The following PCDH15 variants were observed in gnomAD, a reference collection of about 807,000 sequenced individuals.
PCDH15 encodes protocadherin related 15, also known as protocadherin-15.
Under a neutral mutation model 178.5 loss-of-function variants are expected in PCDH15, and 129 were observed. That is an observed-to-expected ratio of 0.72 (90% CI 0.63 to 0.84). The LOEUF (loss-of-function observed/expected upper bound fraction) is 0.84, where lower values mean the gene tolerates loss of function less well. Among genes scored for constraint, PCDH15 ranks in the 40% least tolerant of loss-of-function variants. PCDH15 has a pLI of 0.00. For missense variants in PCDH15, 2,230 were observed against 2,099.9 expected (o/e 1.06, Z -1.21); for synonymous variants, 800 against 732.0 (o/e 1.09, Z -1.50).
chr10:54,718,289 T>G (rs1286089875), intron 1 of PCDH15, among the ~76,000 whole-genome samples: 1 of 151,862 alleles, frequency 6.6e-6, no homozygotes, highest in African/African-American at 2.4e-5. Context: ...GAAAATGAGC[T>G]GACACAAGTC....
At chr10:54,451,800 T>C (rs995885035) in intron 3 of PCDH15, among the ~76,000 whole-genome samples, 3 of 151,920 alleles carry the variant, frequency 2.0e-5, no homozygotes, top group Non-Finnish European at 4.4e-5. Context: ...AGAATATATA[T>C]ACCCCATCAT....
At chr10:54,769,957 T>C (rs114854554) in intron 1 of PCDH15, among the ~76,000 whole-genome samples, 3,003 of 152,236 alleles carry the variant, frequency 0.02, 97 homozygotes, top group African/African-American at 0.067. Context: ...AGTATTGTAG[T>C]CTAAACACAT....
At chr10:54,042,052 T>C (rs2093559289) in intron 18 of PCDH15, among the ~76,000 whole-genome samples, 1 of 152,072 alleles carries the variant, frequency 6.6e-6, no homozygotes, top group Non-Finnish European at 1.5e-5. Flanking sequence ...ATGACTTAGA[T>C]TCAGGGATGA....
At chr10:54,977,719 A>T (rs1047020440) in intron 2 of PCDH15, among the ~76,000 whole-genome samples, 5 of 152,054 alleles carry the variant, frequency 3.3e-5, no homozygotes, top group Admixed American at 3.3e-4. Flanking sequence ...TACTCTGTGG[A>T]CTTCCCTGAA....
At chr10:54,013,847 T>A (rs1488176653) in intron 20 of PCDH15, among the ~76,000 whole-genome samples, 2 of 151,700 alleles carry the variant, frequency 1.3e-5, no homozygotes, top group African/African-American at 4.8e-5. Flanking sequence ...CTACAGGAAC[T>A]AGAGAAACAA....
upstream of PCDH15, among the ~76,000 whole-genome samples, chr10:54,804,202 G>A (rs965499468): frequency 2.0e-5 from 3 of 152,106 alleles, no homozygotes; most frequent in Non-Finnish European, 4.4e-5. Flanking sequence ...ACCACGCCCA[G>A]CTAATTTTTT....
intron 25 of PCDH15, among the ~76,000 whole-genome samples, chr10:53,910,010 A>T (rs1254925599): frequency 6.6e-6 from 1 of 152,122 alleles, no homozygotes; most frequent in Non-Finnish European, 1.5e-5. Flanking sequence ...GGGGAAGCCC[A>T]AACTGGGAGG....
At chr10:54,714,458 C>T (rs942240390) in intron 1 of PCDH15, among the ~76,000 whole-genome samples, 9 of 152,106 alleles carry the variant, frequency 5.9e-5, no homozygotes, top group African/African-American at 2.2e-4. Context: ...CACTCTTTAT[C>T]CTCATTAGGA....
chr10:54,016,677 C>T (rs182239491), intron 20 of PCDH15, among the ~76,000 whole-genome samples: 117 of 152,166 alleles, frequency 7.7e-4, no homozygotes, highest in African/African-American at 2.7e-3. Context: ...TGAAGGTAAA[C>T]GTTGAGTACA....
intron 2 of PCDH15, among the ~76,000 whole-genome samples, chr10:54,546,928 T>A (rs1403231045): frequency 1.3e-5 from 2 of 152,184 alleles, no homozygotes; most frequent in Non-Finnish European, 2.9e-5. Context: ...GACTTCATCA[T>A]ATTCATTTGG....
chr10:54,190,248 G>C (rs2048870148), intron 11 of PCDH15, among the ~76,000 whole-genome samples: 4 of 152,106 alleles, frequency 2.6e-5, no homozygotes, highest in African/African-American at 9.7e-5. Context: ...AGCAACTCTT[G>C]AGAGCCAAGC....
intron 1 of PCDH15, among the ~76,000 whole-genome samples, chr10:54,784,603 C>T (rs1388578987): frequency 6.6e-6 from 1 of 151,706 alleles, no homozygotes; most frequent in African/African-American, 2.4e-5. Flanking sequence ...AAAATAAATG[C>T]TTAAGGGAGT....
chr10:54,284,236 T>C (rs2058892807), intron 8 of PCDH15, among the ~76,000 whole-genome samples: 1 of 152,226 alleles, frequency 6.6e-6, no homozygotes, highest in Admixed American at 6.5e-5. Context: ...TGTAGGTATG[T>C]ATCTACGCAT....
chr10:55,385,645 A>T (rs1416521416), intron 2 of PCDH15, among the ~76,000 whole-genome samples: 1 of 147,478 alleles, frequency 6.8e-6, no homozygotes, highest in Non-Finnish European at 1.5e-5. Flanking sequence ...CTTGCAACAG[A>T]TTCCCTCTGT....
chr10:54,763,036 T>C (rs1321616278), intron 1 of PCDH15, among the ~76,000 whole-genome samples: 1 of 152,188 alleles, frequency 6.6e-6, no homozygotes, highest in Non-Finnish European at 1.5e-5. Flanking sequence ...CATGATTAGA[T>C]ATTCAGCTAA....
chr10:54,766,224 T>C (rs1042667378), intron 1 of PCDH15, among the ~76,000 whole-genome samples: 1 of 152,068 alleles, frequency 6.6e-6, no homozygotes, highest in African/African-American at 2.4e-5. Flanking sequence ...AGAGAAATAG[T>C]GTAGCACAAA....
At chr10:54,104,858 A>T (rs1376088298) in intron 15 of PCDH15, among the ~76,000 whole-genome samples, 2 of 149,878 alleles carry the variant, frequency 1.3e-5, no homozygotes, top group Non-Finnish European at 3.0e-5. Context: ...AAAAAAAAAA[A>T]AAAAAAAAAA....
chr10:54,496,125 C>T (rs928137417), intron 3 of PCDH15, among the ~76,000 whole-genome samples: 6 of 152,130 alleles, frequency 3.9e-5, no homozygotes, highest in African/African-American at 1.4e-4. Context: ...AAAACGGTGA[C>T]TATAGTTATG....
intron 2 of PCDH15, among the ~76,000 whole-genome samples, chr10:55,626,449 C>A (rs1837532037): frequency 6.6e-6 from 1 of 152,102 alleles, no homozygotes; most frequent in Non-Finnish European, 1.5e-5. Context: ...TTTATGGAAC[C>A]AAGTATTTCA....
Sources: gnomAD v4.1 joint callset for allele counts (sites outside exome capture counted in the v4.1 genomes callset) on GRCh38, gnomAD v4.1.1 for gene constraint, MANE v1.5 for transcripts, NCBI Gene and HGNC (gene_info 2026-07-23, HGNC 2026-07-21) for gene names.